Variants in BCAS1 observed in about 807,000 individuals in gnomAD.
BCAS1 encodes breast carcinoma-amplified sequence 1.
BCAS1 carries 46 observed loss-of-function variants against 65.4 expected under a neutral mutation model. The observed-to-expected ratio is 0.70, with a 90% CI of 0.55 to 0.90. The LOEUF (loss-of-function observed/expected upper bound fraction) is 0.90. Among genes scored for constraint, BCAS1 ranks in the 40% least tolerant of loss-of-function variants. The pLI is 0.00. For synonymous variants in BCAS1, 298 were observed against 293.5 expected, an observed-to-expected ratio of 1.02 and a Z score of -0.16; for missense variants, 793 against 771.2, an observed-to-expected ratio of 1.03 and a Z score of -0.33.
intron 10 of BCAS1, among the ~76,000 whole-genome samples, chr20:53,963,733 G>T (rs531946855): frequency 5.3e-5 from 8 of 152,132 alleles, no homozygotes; most frequent in Non-Finnish European, 1.0e-4. Flanking sequence ...AGCTGTTAGG[G>T]CAGGTTTTTT....
At chr20:53,982,220 T>C (rs1013995015) in intron 8 of BCAS1, among the ~76,000 whole-genome samples, 1 of 152,160 alleles carries the variant, frequency 6.6e-6, no homozygotes, top group South Asian at 2.1e-4. Context: ...AATCCTCTTA[T>C]TCAACAAATG....
intron 9 of BCAS1, among the ~76,000 whole-genome samples, chr20:53,971,914 T>A (rs1458288672): frequency 6.6e-6 from 1 of 152,214 alleles, no homozygotes; most frequent in Non-Finnish European, 1.5e-5. Flanking sequence ...AAAGATTCTA[T>A]CATTTCAAGA....
chr20:54,059,419 T>C lies in BCAS1; in HGVS notation c.-5-696A>G, dbSNP rs181747922. ...TATTAGGATTTTAGAATGAGGGTAA[T>C]TGAAATAATAATATTTTTTTCTGAT... is the stretch of plus-strand genomic sequence containing the variant. On this transcript the variant is annotated intron_variant, in intron 1 of 12. Coordinates refer to ENST00000688948, the MANE Select transcript of BCAS1 (RefSeq NM_001366298.2). Among the ~76,000 whole-genome samples the C allele has an allele frequency of 2.0e-3, 312 of 152,326 alleles. 1 individual carries two copies. The highest frequency in any genetic ancestry group is 6.8e-3 in the Middle Eastern group (2 of 294).
chr20:54,022,287 G>T (rs158540), intron 4 of BCAS1, among the ~76,000 whole-genome samples: 53,737 of 114,014 alleles, frequency 0.47, 9,506 homozygotes, highest in South Asian at 0.52. Flanking sequence ...ATTGATTGTT[G>T]TGTGTGTGTG....
chr20:54,036,117 C>T (rs1461403233), intron 3 of BCAS1, among the ~76,000 whole-genome samples: 2 of 150,690 alleles, frequency 1.3e-5, no homozygotes, highest in Non-Finnish European at 1.5e-5. Context: ...TTTCATCACC[C>T]AGGTATTAAT....
intron 1 of BCAS1, among the ~76,000 whole-genome samples, chr20:54,069,644 A>T (rs2092490608): frequency 6.6e-6 from 1 of 152,208 alleles, no homozygotes; most frequent in Admixed American, 6.5e-5. Flanking sequence ...CAAGAACCAC[A>T]GCTAAGAGTT....
intron 12 of BCAS1, among the ~76,000 whole-genome samples, chr20:53,949,559 C>T (rs191716388): frequency 6.6e-6 from 1 of 152,326 alleles, no homozygotes; most frequent in Admixed American, 6.5e-5. Flanking sequence ...CCCAGGAAGG[C>T]GGTCAGGCAA....
At chr20:54,018,148 C>G (rs1387956493) in intron 4 of BCAS1, among the ~76,000 whole-genome samples, 1 of 152,182 alleles carries the variant, frequency 6.6e-6, no homozygotes, top group African/African-American at 2.4e-5. Context: ...TGTTTCTGTT[C>G]CTCACCCAGT....
intron 8 of BCAS1, among the ~76,000 whole-genome samples, chr20:53,976,675 T>A (rs1197782421): frequency 6.6e-6 from 1 of 152,222 alleles, no homozygotes; most frequent in Non-Finnish European, 1.5e-5. Flanking sequence ...AAAAGCCAAA[T>A]TTTCCCCTGC....
intron 3 of BCAS1, among the ~76,000 whole-genome samples, chr20:54,048,497 A>T (rs148290466): frequency 9.5e-4 from 145 of 152,218 alleles, no homozygotes; most frequent in African/African-American, 3.0e-3. Context: ...TTCCTCGCAT[A>T]ATACAAGGAG....
chr20:53,945,805 C>T (rs935729679), intron 12 of BCAS1, among the ~76,000 whole-genome samples: 1 of 152,140 alleles, frequency 6.6e-6, no homozygotes, highest in African/African-American at 2.4e-5. Context: ...CAAAGTCTTA[C>T]TCTGTTGCCT....
chr20:54,021,564 G>T (rs969122136), intron 4 of BCAS1, among the ~76,000 whole-genome samples: 1 of 151,772 alleles, frequency 6.6e-6, no homozygotes, highest in African/African-American at 2.4e-5. Flanking sequence ...AAAGGAACAA[G>T]ATCATGTCCT....
chr20:54,062,119 AG>A (rs2092383505), intron 1 of BCAS1, among the ~76,000 whole-genome samples: 1 of 152,198 alleles, frequency 6.6e-6, no homozygotes, highest in Non-Finnish European at 1.5e-5. Flanking sequence ...GGCAGAACTG[AG>A]TAGTTGCAAC....
rs1472605710 is a variant in BCAS1, at chr20:53,944,929, G to T, written c.1883C>A (p.Ser628Tyr). Residue 628 changes from serine to tyrosine, a missense_variant, in exon 13 of 13, where the codon TCC (serine) becomes TAC (tyrosine). By Grantham distance (144) the Ser-to-Tyr change is moderately radical. Transcript: ENST00000688948. ...GGAACCGTGCTGATTTGTTTACTTG[G>T]ATTTGCCAACTGGTCCGATGGATAC... ...DPVSIGPVGK[S>Y]K 1 of 1,613,876 alleles carries T rather than the reference G, an allele frequency of 6.2e-7. No individual in the cohort carries two copies. Among genetic ancestry groups the T allele is most frequent in the Non-Finnish European group, 8.5e-7 (1 of 1,179,970 alleles).
chr20:54,059,484 C>T (rs1039980395), intron 1 of BCAS1, among the ~76,000 whole-genome samples: 1 of 137,046 alleles, frequency 7.3e-6, no homozygotes, highest in African/African-American at 2.7e-5. Flanking sequence ...ACCTTTTACA[C>T]TACGGCCTTT....
At chr20:53,998,503 G>T (rs983350774) in intron 4 of BCAS1, among the ~76,000 whole-genome samples, 17 of 152,240 alleles carry the variant, frequency 1.1e-4, no homozygotes, top group African/African-American at 4.1e-4. Context: ...TGGAGGGGGT[G>T]GTGGGACAAA....
At chr20:53,957,534 G>C in intron 10 of BCAS1, 37 bp from the exon 11 acceptor site, 1 of 1,570,302 alleles carries the variant, frequency 6.4e-7, no homozygotes, top group Non-Finnish European at 8.8e-7. Flanking sequence ...TCAGCCACAA[G>C]TACAGTGACG....
chr20:53,990,257 A>T (rs1219128099), intron 7 of BCAS1, among the ~76,000 whole-genome samples: 2 of 152,228 alleles, frequency 1.3e-5, no homozygotes, highest in African/African-American at 2.4e-5. Flanking sequence ...TGGCAAAGGC[A>T]TTCTAAAGGA....
intron 4 of BCAS1, among the ~76,000 whole-genome samples, chr20:54,025,151 ATG>A (rs1383900020): frequency 1.1e-3 from 163 of 152,304 alleles, no homozygotes; most frequent in African/African-American, 3.7e-3. Context: ...GCAACACTTT[ATG>A]CGCCCCACAC....
Sources: allele counts gnomAD v4.1 joint callset (sites outside exome capture counted in the v4.1 genomes callset), GRCh38; gene constraint gnomAD v4.1.1; transcripts MANE v1.5; gene names NCBI Gene and HGNC (gene_info 2026-07-23, HGNC 2026-07-21).